Variants in RNF17 observed in about 807,000 individuals in gnomAD.
RNF17 encodes the protein ring finger protein 17, also known as spermatogenesis associated 23.
In RNF17, 31 loss-of-function variants were observed where a neutral mutation model predicts 200.5. The observed-to-expected ratio is 0.15, with a 90% CI of 0.12 to 0.21. The LOEUF (loss-of-function observed/expected upper bound fraction) is 0.21, where lower values mean the gene tolerates loss of function less well. Among genes scored for constraint, RNF17 ranks in the 10% least tolerant of loss-of-function variants. RNF17 has a pLI of 1.00. For missense variants in RNF17, 1,628 were observed against 1,905.1 expected (o/e 0.85, Z 2.71); for synonymous variants, 606 against 637.8 (o/e 0.95, Z 0.75).
intron 2 of RNF17, among the ~76,000 whole-genome samples, chr13:24,771,368 G>T (rs1880669545): frequency 9.0e-6 from 1 of 110,692 alleles, no homozygotes; most frequent in African/African-American, 3.3e-5. Flanking sequence ...GTGAATCCTT[G>T]CTATGTGGCT....
chr13:24,873,782 C>T (rs75122575), intron 32 of RNF17, among the ~76,000 whole-genome samples: 19,200 of 152,164 alleles, frequency 0.13, 1,302 homozygotes, highest in Admixed American at 0.15. Context: ...AGATCCACTT[C>T]TTTAGCTCTC....
intron 9 of RNF17, among the ~76,000 whole-genome samples, chr13:24,791,454 G>T (rs893883927): frequency 3.3e-5 from 5 of 152,146 alleles, no homozygotes; most frequent in African/African-American, 1.2e-4. Flanking sequence ...TTGGGAGGGG[G>T]AAGATAGTAT....
At chr13:24,779,813 T>G (rs928383665) in intron 5 of RNF17, 66 bp downstream of exon 5, 1 of 1,215,048 alleles carries the variant, frequency 8.2e-7, no homozygotes, top group Non-Finnish European at 1.2e-6. Context: ...TGTGTACATT[T>G]GGAGATGTTA....
chr13:24,775,266 A>G (rs2137515220), intron 3 of RNF17, among the ~76,000 whole-genome samples: 1 of 152,248 alleles, frequency 6.6e-6, no homozygotes, highest in Non-Finnish European at 1.5e-5. Context: ...AAGTTTTTTT[A>G]AAGACAGGGT....
chr13:24,780,510 C>A (rs9972089), intron 5 of RNF17, among the ~76,000 whole-genome samples: 26,665 of 152,134 alleles, frequency 0.18, 2,496 homozygotes, highest in South Asian at 0.32. Context: ...TCATGTCCTT[C>A]TCCATGCAAG....
intron 18 of RNF17, among the ~76,000 whole-genome samples, chr13:24,836,718 A>C (rs1163653715): frequency 6.6e-6 from 1 of 152,216 alleles, no homozygotes. Flanking sequence ...TGGAGCTCTA[A>C]ATCTTGAAAC....
chr13:24,776,825 A>T lies in RNF17; in HGVS notation c.318-1470A>T, dbSNP rs1881639238. ...ATTAAGACAAACCCAATGTTGCCAC[A>T]TCTTTTTTTTCTCAAGACAAACTCG... On this transcript the variant is annotated intron_variant, in intron 3 of 35. Coordinates refer to ENST00000255324, the MANE Select transcript of RNF17 (RefSeq NM_031277.3). Among the ~76,000 whole-genome samples, 3 of 152,120 alleles carry T rather than the reference A, an allele frequency of 2.0e-5. No individual in the cohort carries two copies. In the South Asian group the frequency reaches 6.2e-4, roughly 32 times the overall value.
At chr13:24,763,959 G>A (rs1879140934), upstream of RNF17, among the ~76,000 whole-genome samples, 1 of 152,224 alleles carries the variant, frequency 6.6e-6, no homozygotes, top group South Asian at 2.1e-4. Context: ...CTAAAGTGGT[G>A]ACTCTTTGGG....
intron 2 of RNF17, among the ~76,000 whole-genome samples, chr13:24,772,425 C>T (rs527801347): frequency 0.013 from 1,406 of 108,332 alleles, 36 homozygotes; most frequent in African/African-American, 0.051. Context: ...TTTGAGTCTC[C>T]ATTTTTTTTT....
chr13:24,779,275 C>A (rs577457718), intron 4 of RNF17, among the ~76,000 whole-genome samples: 1 of 152,070 alleles, frequency 6.6e-6, no homozygotes, highest in African/African-American at 2.4e-5. Context: ...ACTTTTCCTT[C>A]AAGTGTAAAT....
At chr13:24,772,893 G>C (rs1880989084) in intron 2 of RNF17, among the ~76,000 whole-genome samples, 1 of 152,012 alleles carries the variant, frequency 6.6e-6, no homozygotes, top group Non-Finnish European at 1.5e-5. Flanking sequence ...TTACAGGCGT[G>C]AGCCACCGCC....
At chr13:24,771,323 C>CTTTTTTTTTTTTTTTT (rs35220494) in intron 2 of RNF17, among the ~76,000 whole-genome samples, 1 of 78,018 alleles carries the variant, frequency 1.3e-5, no homozygotes, top group African/African-American at 4.6e-5. Context: ...CACAGATAAT[C>CTTTTTTTTTTTTTTTT]TTTTTTTTTT....
chr13:24,756,004 T>C, the RNF17 span, among the ~76,000 whole-genome samples: 1 of 152,192 alleles, frequency 6.6e-6, no homozygotes, highest in Non-Finnish European at 1.5e-5. Context: ...CAAGTAACAA[T>C]TTACATTATT....
chr13:24,839,585 T>TA (rs1268787159), intron 18 of RNF17, among the ~76,000 whole-genome samples: 6 of 152,104 alleles, frequency 3.9e-5, no homozygotes, highest in South Asian at 2.1e-4. Context: ...CCCAAATACT[T>TA]ACAGCCACTG....
intron 2 of RNF17, among the ~76,000 whole-genome samples, chr13:24,768,654 A>G (rs1284924261): frequency 6.6e-6 from 1 of 151,540 alleles, no homozygotes; most frequent in Non-Finnish European, 1.5e-5. Context: ...TTTTCTGTGG[A>G]AGTGTGGCAA....
intron 11 of RNF17, among the ~76,000 whole-genome samples, chr13:24,797,705 A>AGTTTGTGTGTCTCT (rs59493601): frequency 3.8e-4 from 45 of 119,078 alleles, no homozygotes; most frequent in East Asian, 1.0e-3. Context: ...AGAGACAAAG[A>AGTTTGTGTGTCTCT]GTGTGTGTGT....
chr13:24,874,609 G>A (rs1489826798), intron 33 of RNF17, among the ~76,000 whole-genome samples: 5 of 151,684 alleles, frequency 3.3e-5, no homozygotes, highest in East Asian at 1.9e-4. Flanking sequence ...ATGGGGTTTC[G>A]CCATGTTGGC....
At chr13:24,830,232 CA>C (rs1417351740) in intron 16 of RNF17, among the ~76,000 whole-genome samples, 1 of 152,114 alleles carries the variant, frequency 6.6e-6, no homozygotes, top group South Asian at 2.1e-4. Flanking sequence ...TACCACCTGC[CA>C]TATAATTTTG....
chr13:24,769,949 T>C (rs2137469180), intron 2 of RNF17, among the ~76,000 whole-genome samples: 1 of 152,312 alleles, frequency 6.6e-6, no homozygotes, highest in Non-Finnish European at 1.5e-5. Context: ...CTTTCTGTAA[T>C]TTTGCACAGC....
Sources: allele counts gnomAD v4.1 joint callset (sites outside exome capture counted in the v4.1 genomes callset), GRCh38; gene constraint gnomAD v4.1.1; transcripts MANE v1.5; gene names NCBI Gene and HGNC (gene_info 2026-07-23, HGNC 2026-07-21).